RCBTB1: variants seen among roughly 807,000 people sequenced by gnomAD.
RCBTB1 encodes the protein RCC1 and BTB domain-containing protein 1.
RCBTB1 carries 46 observed loss-of-function variants against 62.4 expected under a neutral mutation model. That is an observed-to-expected ratio of 0.74 (90% CI 0.58 to 0.94). The LOEUF (loss-of-function observed/expected upper bound fraction) is 0.94. Ranked by LOEUF, RCBTB1 falls within the 40% of genes least tolerant of loss-of-function variation. The probability of loss-of-function intolerance (pLI) is 0.00; values close to 1 mark genes in which losing one functional copy is unlikely to be tolerated. For synonymous variants in RCBTB1, 222 were observed against 245.8 expected, an observed-to-expected ratio of 0.90 and a Z score of 0.91; for missense variants, 565 against 654.9, an observed-to-expected ratio of 0.86 and a Z score of 1.50.
At chr13:49,554,621 A>G (rs953931740) in intron 6 of RCBTB1, among the ~76,000 whole-genome samples, 1 of 152,056 alleles carries the variant, frequency 6.6e-6, no homozygotes, top group South Asian at 2.1e-4. Context: ...CCTGAGCGCC[A>G]CCTCCTGTCA....
chr13:49,556,742 C>T (rs1278622742), intron 5 of RCBTB1, among the ~76,000 whole-genome samples: 1 of 152,082 alleles, frequency 6.6e-6, no homozygotes. Context: ...TTCACAGGTA[C>T]AAAACAAATA....
intron 12 of RCBTB1, among the ~76,000 whole-genome samples, chr13:49,536,111 G>T (rs1183592178): frequency 6.6e-6 from 1 of 151,870 alleles, no homozygotes; most frequent in Non-Finnish European, 1.5e-5. Flanking sequence ...TCATGAAAAT[G>T]GTTCTATCAA....
chr13:49,567,040 A>AC (rs1414311359), intron 3 of RCBTB1, 114 bp downstream of exon 3: 61 of 988,912 alleles, frequency 6.2e-5, no homozygotes, highest in Middle Eastern at 6.2e-4. Flanking sequence ...GTCTTCCTGA[A>AC]CTTCAGGATC....
At chr13:49,584,442 C>T (rs892031973) in intron 1 of RCBTB1, among the ~76,000 whole-genome samples, 1 of 152,206 alleles carries the variant, frequency 6.6e-6, no homozygotes, top group African/African-American at 2.4e-5. Context: ...TATACAGTTA[C>T]ATCCTCGACC....
intron 4 of RCBTB1, among the ~76,000 whole-genome samples, chr13:49,562,087 G>T (rs1594310512): frequency 6.7e-6 from 1 of 149,838 alleles, no homozygotes; most frequent in African/African-American, 2.5e-5. Flanking sequence ...GGGCAAAAAG[G>T]ACTCTATCTC....
intron 9 of RCBTB1, among the ~76,000 whole-genome samples, chr13:49,545,639 A>C (rs556374554): frequency 2.6e-5 from 4 of 152,332 alleles, no homozygotes; most frequent in African/African-American, 9.6e-5. Context: ...GAAAGAAGAA[A>C]AGAAGCAGAA....
At chr13:49,579,261 A>T (rs981410605) in intron 2 of RCBTB1, among the ~76,000 whole-genome samples, 1 of 152,176 alleles carries the variant, frequency 6.6e-6, no homozygotes, top group African/African-American at 2.4e-5. Context: ...AGACACTAAT[A>T]TGTTATTGCC....
chr13:49,562,447 C>G (rs932280438), intron 4 of RCBTB1, among the ~76,000 whole-genome samples: 6 of 147,630 alleles, frequency 4.1e-5, no homozygotes, highest in African/African-American at 1.5e-4. Context: ...CACCTGCTCA[C>G]ACAGTGAGGC....
In RCBTB1 at chr13:49,564,912, A is replaced by G. The variant is rs1049797070; in HGVS notation, c.277+1706T>C. Among the ~76,000 whole-genome samples, 34 of 152,062 alleles carry G rather than the reference A, an allele frequency of 2.2e-4. 1 individual carries two copies. Among genetic ancestry groups the G allele is most frequent in the African/African-American group, 7.5e-4 (31 of 41,428 alleles). On this transcript the variant is annotated intron_variant, in intron 4 of 12. Coordinates refer to ENST00000378302, the MANE Select transcript of RCBTB1 (RefSeq NM_018191.4). ...TCTCAAAAAAAAAAAGAAAGAAAGA[A>G]AAGAAAAACGTACCAAAGGAACCCT...
At chr13:49,542,704 T>TC (rs1160566813) in intron 10 of RCBTB1, among the ~76,000 whole-genome samples, 1 of 151,384 alleles carries the variant, frequency 6.6e-6, no homozygotes, top group Non-Finnish European at 1.5e-5. Flanking sequence ...CAGCCATCAC[T>TC]CCTTTTTTTT....
chr13:49,581,456 G>A (rs1220945826), intron 1 of RCBTB1, among the ~76,000 whole-genome samples: 1 of 152,212 alleles, frequency 6.6e-6, no homozygotes, highest in Non-Finnish European at 1.5e-5. Flanking sequence ...CAGGGGTGAT[G>A]AGTCCTACTA....
intron 1 of RCBTB1, among the ~76,000 whole-genome samples, chr13:49,581,544 A>C (rs145723396): frequency 6.6e-6 from 1 of 152,374 alleles, no homozygotes; most frequent in East Asian, 1.9e-4. Context: ...CTGAAGCTCA[A>C]GAAAGGTCTG....
chr13:49,550,365 C>T (rs1238333570), intron 8 of RCBTB1: 6 of 806,694 alleles, frequency 7.4e-6, no homozygotes, highest in African/African-American at 3.7e-5. Flanking sequence ...CTGGGGGTCA[C>T]GGACTCTGAA....
At chr13:49,577,994 GA>G (rs894641518) in intron 2 of RCBTB1, among the ~76,000 whole-genome samples, 2 of 152,018 alleles carry the variant, frequency 1.3e-5, no homozygotes, top group Non-Finnish European at 2.9e-5. Flanking sequence ...GCTGTCTTAC[GA>G]AAAAAATTTA....
In RCBTB1 at chr13:49,559,669, A is replaced by AAAAG. The variant is rs1555287771; in HGVS notation, c.444+245_444+248dup. 2.2e-4 allele frequency among the ~76,000 whole-genome samples: 33 copies of AAAAG among 151,528 alleles called. 1 individual carries two copies. Among genetic ancestry groups the AAAAG allele is most frequent in the Admixed American group, 1.6e-3 (25 of 15,196 alleles). On this transcript the variant is annotated intron_variant, in intron 5 of 12. Coordinates refer to ENST00000378302, the MANE Select transcript of RCBTB1 (RefSeq NM_018191.4). ...AGACTCCATCTCAAAAAAAAAAAAA[A>AAAAG]AAAGAAAGTTGTTGTCAGGGGCTGG...
At chr13:49,559,501 A>C (rs1043497415) in intron 5 of RCBTB1, among the ~76,000 whole-genome samples, 6 of 152,000 alleles carry the variant, frequency 3.9e-5, no homozygotes, top group African/African-American at 1.4e-4. Flanking sequence ...CTAAAAATAC[A>C]AAAAATTAGG....
intron 5 of RCBTB1, among the ~76,000 whole-genome samples, chr13:49,557,863 T>G (rs1962069999): frequency 6.6e-6 from 1 of 152,012 alleles, no homozygotes; most frequent in Non-Finnish European, 1.5e-5. Context: ...TCCCACAAGG[T>G]TTTTAGCTAC....
intron 4 of RCBTB1, among the ~76,000 whole-genome samples, chr13:49,565,860 G>A (rs1566255895): frequency 6.6e-6 from 1 of 151,860 alleles, no homozygotes; most frequent in Non-Finnish European, 1.5e-5. Context: ...AAATCAGATT[G>A]TTGCTGTGTC....
rs10710755 is a variant in RCBTB1 at position 49,564,583 on chromosome 13, C to CAAAAAAAAAAAAA, written c.277+2022_277+2034dup. Among the ~76,000 whole-genome samples, 65 of 39,316 alleles carry CAAAAAAAAAAAAA rather than the reference C, an allele frequency of 1.7e-3. 2 individuals are homozygous for CAAAAAAAAAAAAA. The highest frequency in any genetic ancestry group is 7.7e-3 in the African/African-American group (61 of 7,958). 25.8% of individuals were successfully genotyped at this position (39,316 alleles called of 152,430 possible). A position where few individuals can be genotyped will look rare whatever the true frequency, so the allele number is the denominator to read the frequency against. Reference sequence around the variant, plus strand: ...CTGGAGACAGAGCGAGACTCCTTCTCAAAAAAAAAAAAAAAAAAAAAAAAA... The same window carrying CAAAAAAAAAAAAA: ...CTGGAGACAGAGCGAGACTCCTTCTCAAAAAAAAAAAAAAAAAAAAAAAAAAAAAAAAAAAAAA... On this transcript the variant is annotated intron_variant, in intron 4 of 12. Coordinates refer to ENST00000378302, the MANE Select transcript of RCBTB1 (RefSeq NM_018191.4).
Sources: allele counts gnomAD v4.1 joint callset (sites outside exome capture counted in the v4.1 genomes callset), GRCh38; gene constraint gnomAD v4.1.1; transcripts MANE v1.5; gene names NCBI Gene and HGNC (gene_info 2026-07-23, HGNC 2026-07-21).